KCNK3: variants seen among roughly 807,000 people sequenced by gnomAD.
The protein encoded by KCNK3 is potassium channel subfamily K member 3.
In KCNK3, 9 loss-of-function variants were observed where a neutral mutation model predicts 27.3. That is an observed-to-expected ratio of 0.33 (90% CI 0.20 to 0.57). KCNK3 has a LOEUF of 0.57. Among genes scored for constraint, KCNK3 ranks in the 20% least tolerant of loss-of-function variants. The pLI is 0.87. For synonymous variants in KCNK3, 278 were observed against 273.8 expected (o/e 1.02, Z -0.15); for missense variants, 391 against 577.7 (o/e 0.68, Z 3.31).
intron 1 of KCNK3, among the ~76,000 whole-genome samples, chr2:26,719,730 C>A (rs1663292939): frequency 6.6e-6 from 1 of 152,212 alleles, no homozygotes. Context: ...TTTCTCCTGG[C>A]TACATCACCA....
At chr2:26,700,533 A>C (rs1670293791) in intron 1 of KCNK3, among the ~76,000 whole-genome samples, 1 of 152,156 alleles carries the variant, frequency 6.6e-6, no homozygotes, top group Non-Finnish European at 1.5e-5. Context: ...TGGGCCTGAC[A>C]TCCCATCCTC....
At chr2:26,710,442 C>T (rs1663089597) in intron 1 of KCNK3, among the ~76,000 whole-genome samples, 1 of 152,158 alleles carries the variant, frequency 6.6e-6, no homozygotes, top group Admixed American at 6.5e-5. Context: ...GGAGTGGTAG[C>T]CAGCAACACC....
chr2:26,718,651 C>A (rs1357344268), intron 1 of KCNK3, among the ~76,000 whole-genome samples: 1 of 152,108 alleles, frequency 6.6e-6, no homozygotes, highest in Non-Finnish European at 1.5e-5. Flanking sequence ...CTCTGTCACC[C>A]AGGCTGGAGT....
intron 1 of KCNK3, among the ~76,000 whole-genome samples, chr2:26,720,894 G>T (rs758086286): frequency 8.5e-4 from 129 of 152,288 alleles, no homozygotes; most frequent in Admixed American, 1.5e-3. Context: ...CCCTACCCCA[G>T]CTCCATGAGA....
chr2:26,696,502 C>T (rs1474465796), intron 1 of KCNK3, among the ~76,000 whole-genome samples: 1 of 152,188 alleles, frequency 6.6e-6, no homozygotes, highest in African/African-American at 2.4e-5. Flanking sequence ...CATGGGCAGC[C>T]CTGATTGGTT....
intron 1 of KCNK3, among the ~76,000 whole-genome samples, chr2:26,705,650 G>C (rs1445889142): frequency 6.6e-6 from 1 of 152,206 alleles, no homozygotes; most frequent in African/African-American, 2.4e-5. Context: ...ACAGAGGGTT[G>C]TGTTGGCCTA....
intron 1 of KCNK3, among the ~76,000 whole-genome samples, chr2:26,719,621 A>G (rs1334089764): frequency 6.6e-6 from 1 of 152,202 alleles, no homozygotes; most frequent in Non-Finnish European, 1.5e-5. Context: ...AGGGCACTGA[A>G]GTTTTCAAAG....
In KCNK3 at chr2:26,730,551, C is replaced by G. The variant is rs943342494; in HGVS notation, c.*1983C>G. 6 of 152,486 alleles carry G rather than the reference C, an allele frequency of 3.9e-5. No individual in the cohort carries two copies. The highest frequency in any genetic ancestry group is 8.8e-5 in the Non-Finnish European group (6 of 68,218). 9.4% of individuals were successfully genotyped at this position (152,486 alleles called of 1,614,324 possible). A position where few individuals can be genotyped will look rare whatever the true frequency, so the allele number is the denominator to read the frequency against. On this transcript the variant is annotated 3_prime_UTR_variant, in exon 2 of 2. Coordinates refer to ENST00000302909, the MANE Select transcript of KCNK3 (RefSeq NM_002246.3). ...TGCTGTTCCCCTGCCAGCTCCTTAA[C>G]ACTGCCGACCAAGGCCAGCCCTGGC... is the stretch of plus-strand genomic sequence containing the variant.
chr2:26,704,973 CT>C (rs375122777), intron 1 of KCNK3, among the ~76,000 whole-genome samples: 20 of 148,932 alleles, frequency 1.3e-4, no homozygotes, highest in Non-Finnish European at 1.3e-4. Flanking sequence ...TTCTTTCTTT[CT>C]TTTTTTTTTG....
intron 1 of KCNK3, among the ~76,000 whole-genome samples, chr2:26,715,580 C>G (rs920649157): frequency 6.6e-6 from 1 of 152,228 alleles, no homozygotes. Context: ...AGAGGAGAAG[C>G]TGGGTACCAA....
Position 26,723,198 on chromosome 2 carries a change from A to C in KCNK3, c.284-4469A>C, listed in dbSNP as rs181057005. 2.2e-3 allele frequency among the ~76,000 whole-genome samples: 333 copies of C among 152,338 alleles called. 5 individuals are homozygous for C. The highest frequency in any genetic ancestry group is 1.3e-3 in the Non-Finnish European group (87 of 68,024). ...CTCAGAGTGGCTAGTTGTGCTTTGA[A>C]TAGAAGGAAATAAGCCACAGGGAGA... On this transcript the variant is annotated intron_variant, in intron 1 of 1. Transcript: ENST00000302909.
At chr2:26,723,745 C>T (rs1663363284) in intron 1 of KCNK3, among the ~76,000 whole-genome samples, 2 of 152,222 alleles carry the variant, frequency 1.3e-5, no homozygotes, top group South Asian at 4.1e-4. Flanking sequence ...ATTTCTGGAT[C>T]TGAGAACCTT....
In KCNK3 at chr2:26,718,224, G is replaced by T. The variant is rs569363113; in HGVS notation, c.284-9443G>T. ...CACAGCCACGCCCCTGCCCAGGGTT[G>T]CCAGGCATTCAGCTCAATATCTCTC... is the stretch of plus-strand genomic sequence containing the variant. On this transcript the variant is annotated intron_variant, in intron 1 of 1. Transcript: ENST00000302909. Among the ~76,000 whole-genome samples the T allele has an allele frequency of 7.9e-5, 12 of 152,260 alleles. No homozygotes were observed. In the South Asian group the frequency reaches 2.1e-3, roughly 26 times the overall value.
At position 26,692,864 on chromosome 2, in the gene KCNK3, C is replaced by A; in HGVS notation, c.-12C>A. Reference sequence around the variant, plus strand: ...GGGGCGCCGGGGGGCCGGCGGCGGCCCGGGCGGGACGATGAAGCGGCAGAA... The same window carrying A: ...GGGGCGCCGGGGGGCCGGCGGCGGCACGGGCGGGACGATGAAGCGGCAGAA... On this transcript the variant is annotated 5_prime_UTR_variant, in exon 1 of 2. Coordinates refer to ENST00000302909, the MANE Select transcript of KCNK3 (RefSeq NM_002246.3). The surrounding 1 kb of genome is among the most constrained non-coding windows in gnomAD (Gnocchi z 5.6). The A allele has an allele frequency of 8.0e-7, 1 of 1,253,082 alleles. No homozygotes were observed. Among genetic ancestry groups the A allele is most frequent in the Non-Finnish European group, 1.0e-6 (1 of 996,654 alleles). 77.6% of individuals were successfully genotyped at this position (1,253,082 alleles called of 1,614,324 possible).
At chr2:26,709,758 G>A (rs963334029) in intron 1 of KCNK3, among the ~76,000 whole-genome samples, 1 of 152,162 alleles carries the variant, frequency 6.6e-6, no homozygotes, top group Admixed American at 6.5e-5. Context: ...ACCCATGAGG[G>A]AGTTAGCCTT....
intron 1 of KCNK3, among the ~76,000 whole-genome samples, chr2:26,704,063 G>A (rs574385258): frequency 6.6e-6 from 1 of 152,142 alleles, no homozygotes; most frequent in African/African-American, 2.4e-5. Context: ...AGCAGTGGGT[G>A]CCCTGTGATT....
chr2:26,728,073 G>T lies in KCNK3; in HGVS notation c.690G>T (p.Thr230=), dbSNP rs767565044. ...YVAFSFVYIL[T]GLTVIGAFLN... ...CCTTCAGCTTCGTCTACATCCTTAC[G>T]GGCCTCACGGTCATCGGCGCCTTCC... Residue 230 remains threonine (T), a synonymous_variant, in exon 2 of 2, where the codon ACG becomes ACT. Coordinates refer to ENST00000302909, the MANE Select transcript of KCNK3 (RefSeq NM_002246.3). The T allele has an allele frequency of 2.5e-6, 4 of 1,613,960 alleles. No homozygotes were observed. The South Asian group carries it at 4.4e-5, about 18-fold the overall frequency.
intron 1 of KCNK3, among the ~76,000 whole-genome samples, chr2:26,724,294 C>T (rs959804933): frequency 3.3e-5 from 5 of 152,254 alleles, no homozygotes; most frequent in Admixed American, 6.5e-5. Flanking sequence ...CTGTTACCAC[C>T]TCTGCTGCAA....
At chr2:26,723,370 G>T (rs1322950629) in intron 1 of KCNK3, among the ~76,000 whole-genome samples, 1 of 152,204 alleles carries the variant, frequency 6.6e-6, no homozygotes, top group Non-Finnish European at 1.5e-5. Context: ...GTGGCCCAGG[G>T]TTTGCCTCTG....
Sources: allele counts gnomAD v4.1 joint callset (sites outside exome capture counted in the v4.1 genomes callset), GRCh38; gene constraint gnomAD v4.1.1; non-coding constraint Gnocchi (gnomAD v3.1); transcripts MANE v1.5; gene names NCBI Gene and HGNC (gene_info 2026-07-23, HGNC 2026-07-21).